RIMS2: variants seen among roughly 807,000 people sequenced by gnomAD.
RIMS2 encodes the protein regulating synaptic membrane exocytosis 2.
RIMS2 carries 59 observed loss-of-function variants against 174.4 expected under a neutral mutation model. That is an observed-to-expected ratio of 0.34 (90% CI 0.27 to 0.42). The LOEUF is 0.42. Among genes scored for constraint, RIMS2 ranks in the 10% least tolerant of loss-of-function variants. The pLI, the probability that RIMS2 is intolerant of heterozygous loss-of-function variation, is 1.00. For synonymous variants in RIMS2, 606 were observed against 572.5 expected, an observed-to-expected ratio of 1.06 and a Z score of -0.84; for missense variants, 1,620 against 1,666.3, an observed-to-expected ratio of 0.97 and a Z score of 0.48.
chr8:104,121,354 AG>A (rs1327013369), intron 19 of RIMS2, among the ~76,000 whole-genome samples: 1 of 152,170 alleles, frequency 6.6e-6, no homozygotes, highest in Non-Finnish European at 1.5e-5. Flanking sequence ...ACATTAAGGC[AG>A]AAGTTCTGAG....
chr8:103,800,745 A>G (rs887890446), intron 3 of RIMS2, among the ~76,000 whole-genome samples: 3 of 152,126 alleles, frequency 2.0e-5, no homozygotes, highest in Non-Finnish European at 4.4e-5. Flanking sequence ...ACTTTGTTTG[A>G]AATTTTTACA....
At chr8:103,696,044 C>A (rs963282698) in intron 1 of RIMS2, among the ~76,000 whole-genome samples, 3 of 152,086 alleles carry the variant, frequency 2.0e-5, no homozygotes, top group African/African-American at 7.2e-5. Context: ...ATAATCCCTT[C>A]AAATATTTCC....
intron 19 of RIMS2, among the ~76,000 whole-genome samples, chr8:104,029,692 TTTC>T (rs1172061985): frequency 1.3e-5 from 2 of 152,210 alleles, no homozygotes; most frequent in Non-Finnish European, 2.9e-5. Flanking sequence ...AAACAGCCTA[TTTC>T]TTCTTCTGTG....
chr8:103,973,427 T>C (rs2093107241), intron 15 of RIMS2, among the ~76,000 whole-genome samples: 1 of 152,150 alleles, frequency 6.6e-6, no homozygotes, highest in African/African-American at 2.4e-5. Flanking sequence ...TCAAAACCCA[T>C]GCAGCTTTGA....
chr8:103,678,820 G>C (rs1053393488), intron 1 of RIMS2, among the ~76,000 whole-genome samples: 6 of 151,970 alleles, frequency 3.9e-5, no homozygotes, highest in Admixed American at 1.3e-4. Context: ...GGACTATCTG[G>C]GGGTGGATCA....
intron 7 of RIMS2, 117 bp from the exon 11 acceptor site, chr8:103,916,297 G>A (rs766860751): frequency 3.4e-5 from 22 of 637,994 alleles, no homozygotes; most frequent in African/African-American, 2.0e-4. Context: ...AGTATGTTTC[G>A]TATTGTATAA....
chr8:104,151,398 A>G (rs1220714385), intron 19 of RIMS2, among the ~76,000 whole-genome samples: 1 of 152,064 alleles, frequency 6.6e-6, no homozygotes, highest in East Asian at 1.9e-4. Flanking sequence ...GCAAAACCCT[A>G]TCTCTACAAA....
At chr8:103,868,440 T>C (rs963571519) in intron 3 of RIMS2, among the ~76,000 whole-genome samples, 3 of 152,074 alleles carry the variant, frequency 2.0e-5, no homozygotes, top group African/African-American at 7.2e-5. Context: ...TCCTGAACTA[T>C]AAACATTTTT....
At chr8:104,167,450 A>G (rs540097721) in intron 19 of RIMS2, among the ~76,000 whole-genome samples, 13 of 151,976 alleles carry the variant, frequency 8.6e-5, no homozygotes, top group Non-Finnish European at 1.5e-4. Flanking sequence ...ATTTTTTCAT[A>G]TGTTTGCTGG....
At chr8:103,500,743 G>A (rs563391124), upstream of RIMS2, 2 of 538,322 alleles carry the variant, frequency 3.7e-6, no homozygotes, top group Non-Finnish European at 6.6e-6. Context: ...TCTTGGGGGA[G>A]GGGGGCTGTC....
intron 1 of RIMS2, among the ~76,000 whole-genome samples, chr8:103,587,425 A>AAAGG (rs2093995140): frequency 1.8e-5 from 2 of 113,462 alleles, no homozygotes; most frequent in South Asian, 5.3e-4. Context: ...AGAAAGAAAG[A>AAAGG]AAGAAAGAAA....
intron 19 of RIMS2, among the ~76,000 whole-genome samples, chr8:104,019,148 A>G (rs1336638113): frequency 6.6e-6 from 1 of 152,148 alleles, no homozygotes; most frequent in Non-Finnish European, 1.5e-5. Context: ...CAGTGAGCCA[A>G]GATCACATCA....
In RIMS2 at chr8:103,835,303, A is replaced by G. The variant is rs143482718; in HGVS notation, c.699-49995A>G. ...TTTTTAGTAGAGACAGGGTTTCACT[A>G]TGCTGGCCGGGCTTGTCTTGAACTC... On this transcript the variant is annotated intron_variant, in intron 3 of 23. Coordinates refer to ENST00000504942, the Ensembl canonical transcript of RIMS2. Among the ~76,000 whole-genome samples, 12 of 150,772 alleles carry G rather than the reference A, an allele frequency of 8.0e-5. No homozygotes were observed. The East Asian group carries it at 9.9e-4, about 12-fold the overall frequency.
At chr8:103,774,163 T>C (rs962132324) in intron 3 of RIMS2, among the ~76,000 whole-genome samples, 3 of 152,258 alleles carry the variant, frequency 2.0e-5, no homozygotes, top group Non-Finnish European at 4.4e-5. Flanking sequence ...AAGTAAATAT[T>C]AAAATGATCT....
chr8:103,649,028 A>G (rs1343911364), intron 1 of RIMS2, among the ~76,000 whole-genome samples: 1 of 152,168 alleles, frequency 6.6e-6, no homozygotes, highest in Non-Finnish European at 1.5e-5. Flanking sequence ...TGGTTGCTTC[A>G]TAATGTCACT....
intron 1 of RIMS2, among the ~76,000 whole-genome samples, chr8:103,548,707 T>C (rs549418169): frequency 1.7e-4 from 26 of 151,872 alleles, no homozygotes; most frequent in African/African-American, 6.3e-4. Flanking sequence ...TGCATTTAAA[T>C]AGGAAGAGAT....
chr8:103,743,799 C>G (rs1056227953), intron 2 of RIMS2, among the ~76,000 whole-genome samples: 2 of 152,056 alleles, frequency 1.3e-5, no homozygotes, highest in Non-Finnish European at 2.9e-5. Context: ...ATTCCTATTT[C>G]TGTTACCAAG....
chr8:103,661,391 A>G (rs886971323), intron 1 of RIMS2, among the ~76,000 whole-genome samples: 5 of 152,324 alleles, frequency 3.3e-5, no homozygotes, highest in African/African-American at 1.2e-4. Context: ...TTTTGGAGTT[A>G]TTTGTGAAAG....
chr8:103,534,067 A>G (rs974129616), intron 1 of RIMS2, among the ~76,000 whole-genome samples: 3 of 152,226 alleles, frequency 2.0e-5, no homozygotes, highest in African/African-American at 7.2e-5. Context: ...GTTATTGAAC[A>G]CTGGATGGCT....
Sources: gnomAD v4.1 joint callset for allele counts (sites outside exome capture counted in the v4.1 genomes callset) on GRCh38, gnomAD v4.1.1 for gene constraint, MANE v1.5 for transcripts, NCBI Gene and HGNC (gene_info 2026-07-23, HGNC 2026-07-21) for gene names.